The following NSMAF variants were observed in gnomAD, a reference collection of about 807,000 sequenced individuals.
NSMAF encodes protein FAN.
A neutral mutation model predicts 134.9 loss-of-function variants in NSMAF; 90 were observed. That is an observed-to-expected ratio of 0.67 (90% confidence interval 0.56 to 0.79). NSMAF has a LOEUF of 0.79. NSMAF is among the 30% of genes least tolerant of loss of function. NSMAF has a pLI of 0.00. For missense variants in NSMAF, 1,010 were observed against 1,119.0 expected (o/e 0.90, Z 1.39); for synonymous variants, 358 against 389.6 (o/e 0.92, Z 0.96).
At chr8:58,638,242 G>T (rs1200463668) in intron 2 of NSMAF, among the ~76,000 whole-genome samples, 3 of 151,990 alleles carry the variant, frequency 2.0e-5, no homozygotes, top group Non-Finnish European at 4.4e-5. Context: ...ATGGGGTCTT[G>T]CTAGGTTGCT....
At chr8:58,599,139 T>C (rs888018095) in intron 19 of NSMAF, 93 bp downstream of exon 19, 19 of 1,279,728 alleles carry the variant, frequency 1.5e-5, no homozygotes, top group Non-Finnish European at 1.9e-5. Context: ...CCTCATTTTT[T>C]TGTTGGTATT....
Position 58,607,790 on chromosome 8 carries a change from C to A in NSMAF, c.738G>T (p.Arg246Ser), listed in dbSNP as rs370072370. 53 of 1,614,074 alleles carry A rather than the reference C, an allele frequency of 3.3e-5. No homozygotes were observed. The highest frequency in any genetic ancestry group is 1.3e-4 in the Admixed American group (8 of 60,010). ...TCACCAGAGGCATGAGGCCGTGCCT[C>A]CTTTTGTAGATGCGGCGGACATCTT... ...TLQDVRRIYKRRHGLMPLGLE... is the reference protein window; with the variant it reads ...TLQDVRRIYKSRHGLMPLGLE... Residue 246 changes from arginine to serine, a missense_variant, in exon 11 of 31, where the codon AGG becomes AGT. Transcript: ENST00000038176.
chr8:58,623,478 T>C (rs1806839813), intron 7 of NSMAF, 54 bp from the exon 8 acceptor site: 7 of 1,543,706 alleles, frequency 4.5e-6, no homozygotes, highest in Non-Finnish European at 6.3e-6. Flanking sequence ...TGATATGAAG[T>C]ATTTCTTTAG....
intron 1 of NSMAF, among the ~76,000 whole-genome samples, chr8:58,649,746 T>C (rs1350457956): frequency 6.6e-6 from 1 of 152,172 alleles, no homozygotes; most frequent in Admixed American, 6.5e-5. Flanking sequence ...CCATGTGATG[T>C]ACCTGCTCCC....
intron 6 of NSMAF, 172 bp downstream of exon 6, chr8:58,631,324 C>A: frequency 5.4e-6 from 2 of 372,800 alleles, no homozygotes; most frequent in East Asian, 4.4e-5. Context: ...ATTGAATTCT[C>A]TTGAAATAAA....
At chr8:58,644,481 A>C (rs1220231984) in intron 1 of NSMAF, among the ~76,000 whole-genome samples, 1 of 152,198 alleles carries the variant, frequency 6.6e-6, no homozygotes, top group Non-Finnish European at 1.5e-5. Context: ...GCTAGAGACG[A>C]TGTGGAGAAA....
chr8:58,600,496 G>A (rs769537273), intron 16 of NSMAF, among the ~76,000 whole-genome samples: 15 of 151,782 alleles, frequency 9.9e-5, no homozygotes, highest in Non-Finnish European at 1.5e-4. Context: ...GGTGGCATGC[G>A]CCTGTAGTCC....
At chr8:58,608,490 G>A (rs993832811) in intron 10 of NSMAF, among the ~76,000 whole-genome samples, 1 of 152,174 alleles carries the variant, frequency 6.6e-6, no homozygotes, top group Admixed American at 6.5e-5. Context: ...GGTGTGCAGA[G>A]GTCAGTCTGT....
At chr8:58,623,812 G>T in intron 6 of NSMAF, 32 bp from the exon 7 acceptor site, 1 of 1,545,956 alleles carries the variant, frequency 6.5e-7, no homozygotes, top group Non-Finnish European at 8.9e-7. Context: ...CAAAATACAG[G>T]AAGAGAAGAA....
rs1444920323 is a variant in NSMAF at position 58,631,479 on chromosome 8, T to C, written c.384+17A>G. 3 of 1,448,042 alleles carry C rather than the reference T, an allele frequency of 2.1e-6. No individual in the cohort carries two copies. Among genetic ancestry groups the C allele is most frequent in the Non-Finnish European group, 2.8e-6 (3 of 1,061,944 alleles). The allele number at this position is 1,448,042 out of a possible 1,614,324, so 89.7% of individuals were successfully genotyped here. A position where few individuals can be genotyped will look rare whatever the true frequency, so the allele number is the denominator to read the frequency against. ...GACTATATAAATTGCTGGAAATACA[T>C]GAAAAGCTTTACTTACCCTTTCTAT... On this transcript the variant is annotated intron_variant, in intron 6 of 30. Transcript: ENST00000038176.
chr8:58,585,747 T>C lies in NSMAF; in HGVS notation c.2564A>G (p.Asp855Gly). 1 of 1,614,086 alleles carries C rather than the reference T, an allele frequency of 6.2e-7. No homozygotes were observed. The highest frequency in any genetic ancestry group is 8.5e-7 in the Non-Finnish European group (1 of 1,179,952). Residue 855 changes from aspartate (D) to glycine (G), a missense_variant, in exon 30 of 31, where the codon GAT (aspartate) becomes GGT (glycine). Asp to Gly is a moderately conservative substitution (Grantham distance 94). Coordinates refer to ENST00000038176, the MANE Select transcript of NSMAF (RefSeq NM_003580.4). ...SDEPQRCFVW[D>G]GNSVLSGSQS... ...ACTGCCAGATAAAACGGAATTTCCA[T>C]CCCAGACAAAGCACCTGCAAGAATG... is the stretch of plus-strand genomic sequence containing the variant.
chr8:58,656,532 A>T (rs1023121118), intron 1 of NSMAF, among the ~76,000 whole-genome samples: 2 of 152,136 alleles, frequency 1.3e-5, no homozygotes, highest in East Asian at 1.9e-4. Context: ...ACTTTTAAAA[A>T]TTTTAGTATA....
At chr8:58,621,397 T>G (rs903531086) in intron 9 of NSMAF, among the ~76,000 whole-genome samples, 4 of 152,150 alleles carry the variant, frequency 2.6e-5, no homozygotes, top group Non-Finnish European at 5.9e-5. Flanking sequence ...ATTAATATTT[T>G]GAATAGTGCT....
chr8:58,588,649 A>C (rs991588304), intron 26 of NSMAF: 14 of 1,534,826 alleles, frequency 9.1e-6, no homozygotes, highest in Non-Finnish European at 1.2e-5. Flanking sequence ...TCGAATGACG[A>C]ATTTCTTAAT....
At position 58,621,883 on chromosome 8, in the gene NSMAF, G is replaced by A. The variant is rs1280923806; in HGVS notation, c.557+1337C>T. ...TCTGGATATTAGACCTTTGGCAGAT[G>A]CAAAGTTTGCAAATATTTTCTCTCA... On this transcript the variant is annotated intron_variant, in intron 9 of 30. Coordinates refer to ENST00000038176, the MANE Select transcript of NSMAF (RefSeq NM_003580.4). Among the ~76,000 whole-genome samples the A allele has an allele frequency of 2.0e-5, 3 of 152,250 alleles. No homozygotes were observed. In the East Asian group the frequency reaches 5.8e-4, roughly 29 times the overall value.
rs374459788 is a variant in NSMAF at position 58,601,294 on chromosome 8, A to C, written c.1271T>G (p.Met424Arg). 3.4e-5 allele frequency: 55 copies of C among 1,613,550 alleles called. No individual in the cohort carries two copies. Among genetic ancestry groups the C allele is most frequent in the Non-Finnish European group, 4.6e-5 (54 of 1,179,624 alleles). The change falls in exon 16 of 31, where the codon ATG becomes AGG. Residue 424 changes from methionine to arginine, a missense_variant. Met to Arg is a moderately conservative substitution (Grantham distance 91). Transcript: ENST00000038176. Reference protein sequence around the residue: ...QNGRFDNADRMFNSIAETWKN... With the variant: ...QNGRFDNADRRFNSIAETWKN... Reference sequence around the variant, plus strand: ...GGCATTTGTATCAAACCTGTTGAACATTCTATCTGCATTATCAAATCTTCC... The same window carrying C: ...GGCATTTGTATCAAACCTGTTGAACCTTCTATCTGCATTATCAAATCTTCC...
In NSMAF at chr8:58,589,992, T is replaced by A; in HGVS notation, c.2087+15A>T. 1 of 1,610,026 alleles carries A rather than the reference T, an allele frequency of 6.2e-7. No individual in the cohort carries two copies. The highest frequency in any genetic ancestry group is 8.5e-7 in the Non-Finnish European group (1 of 1,176,392). On this transcript the variant is annotated intron_variant, in intron 25 of 30. Transcript: ENST00000038176. ...CTGCACGTCGAATCACAGAGCAGGGTGCACAGATACATACACATTATTATC... is the reference window on the plus strand; with the variant it reads ...CTGCACGTCGAATCACAGAGCAGGGAGCACAGATACATACACATTATTATC...
chr8:58,635,014 A>G (rs1238203115), intron 5 of NSMAF, among the ~76,000 whole-genome samples, 175 bp downstream of exon 5: 1 of 152,242 alleles, frequency 6.6e-6, no homozygotes, highest in African/African-American at 2.4e-5. Context: ...ATAAACATGA[A>G]GAAGCTCATT....
intron 25 of NSMAF, 152 bp from the exon 26 acceptor site, chr8:58,589,727 T>C: frequency 2.5e-6 from 2 of 792,768 alleles, no homozygotes; most frequent in Non-Finnish European, 3.7e-6. Flanking sequence ...TAAATCAAAA[T>C]ATTCAAAATT....
Sources: allele counts gnomAD v4.1 joint callset (sites outside exome capture counted in the v4.1 genomes callset), GRCh38; gene constraint gnomAD v4.1.1; transcripts MANE v1.5; gene names NCBI Gene and HGNC (gene_info 2026-07-23, HGNC 2026-07-21).